The following TMEM170A variants were observed in gnomAD, a reference collection of about 807,000 sequenced individuals.
TMEM170A encodes the protein transmembrane protein 170A.
A neutral mutation model predicts 12.8 loss-of-function variants in TMEM170A; 18 were observed. The observed-to-expected ratio is 1.41, with a 90% CI of 0.97 to 2.09. The LOEUF (loss-of-function observed/expected upper bound fraction) is 2.09, where lower values mean the gene tolerates loss of function less well. Among genes scored for constraint, TMEM170A ranks in the 30% most tolerant of loss-of-function variants. The pLI, the probability that TMEM170A is intolerant of heterozygous loss-of-function variation, is 0.00. For missense variants in TMEM170A, 220 were observed against 179.9 expected, an observed-to-expected ratio of 1.22 and a Z score of -1.28; for synonymous variants, 107 against 76.2, an observed-to-expected ratio of 1.40 and a Z score of -2.11.
Position 75,445,106 on chromosome 16 carries a change from A to G in TMEM170A, c.*2452T>C, listed in dbSNP as rs1205581108. 1 of 152,210 alleles carries G rather than the reference A, an allele frequency of 6.6e-6. No homozygotes were observed. Among genetic ancestry groups the G allele is most frequent in the Non-Finnish European group, 1.5e-5 (1 of 68,036 alleles). 9.4% of individuals were successfully genotyped at this position (152,210 alleles called of 1,614,324 possible). ...TCATTTCCCATAAGAAAAGTTACCA[A>G]TTCCCCAGATTTCTTAAACTGAAGG... On this transcript the variant is annotated 3_prime_UTR_variant, in exon 3 of 3. Coordinates refer to ENST00000561878, the MANE Select transcript of TMEM170A (RefSeq NM_145254.3).
intron 2 of TMEM170A, among the ~76,000 whole-genome samples, chr16:75,448,269 G>A (rs1187475910): frequency 2.0e-5 from 3 of 152,206 alleles, no homozygotes; most frequent in Non-Finnish European, 2.9e-5. Context: ...CACAGGGCAT[G>A]AGAGGAGAGA....
chr16:75,451,014 CAT>C (rs1311025721), intron 2 of TMEM170A, among the ~76,000 whole-genome samples: 2 of 152,184 alleles, frequency 1.3e-5, no homozygotes, highest in Non-Finnish European at 2.9e-5. Flanking sequence ...ACCACACCCA[CAT>C]GAGTGGAAGT....
In TMEM170A at chr16:75,464,323, C is replaced by A. The variant is rs1229630805; in HGVS notation, c.133+145G>T. Reference sequence around the variant, plus strand: ...AAGTGATGGGGAAAGGGGCTCCGGGCGAGCAGCACGGCCCCCCTCCCGGAG... The same window carrying A: ...AAGTGATGGGGAAAGGGGCTCCGGGAGAGCAGCACGGCCCCCCTCCCGGAG... On this transcript the variant is annotated intron_variant, in intron 1 of 2. Transcript: ENST00000561878. 6 of 1,438,106 alleles carry A rather than the reference C, an allele frequency of 4.2e-6. No homozygotes were observed. In the East Asian group the frequency reaches 1.2e-4, roughly 29 times the overall value. The allele number at this position is 1,438,106 out of a possible 1,614,324, so 89.1% of individuals were successfully genotyped here. A position where few individuals can be genotyped will look rare whatever the true frequency, so the allele number is the denominator to read the frequency against.
intron 2 of TMEM170A, among the ~76,000 whole-genome samples, chr16:75,449,141 A>G (rs1444567271): frequency 6.6e-6 from 1 of 152,148 alleles, no homozygotes; most frequent in Admixed American, 6.6e-5. Context: ...CCCTCCCCAC[A>G]AAATGCTCCA....
chr16:75,454,461 CACACACAT>C (rs1214453543), intron 1 of TMEM170A, among the ~76,000 whole-genome samples: 2 of 151,246 alleles, frequency 1.3e-5, no homozygotes, highest in Non-Finnish European at 2.9e-5. Flanking sequence ...TCTAAAAATA[CACACACAT>C]ACACACACAC....
chr16:75,457,048 T>C (rs1049865373), intron 1 of TMEM170A, among the ~76,000 whole-genome samples: 2 of 152,244 alleles, frequency 1.3e-5, no homozygotes, highest in African/African-American at 4.8e-5. Context: ...ACAAATGGGA[T>C]GCAAACCTGC....
At position 75,444,023 on chromosome 16, in the gene TMEM170A, G is replaced by A. The variant is rs2079542753; in HGVS notation, c.*3535C>T. ...CAATCACTTGAACCCAGGAAACGGA[G>A]GCTGCAGTGAGCTGAGACCATGCCA... On this transcript the variant is annotated 3_prime_UTR_variant, in exon 3 of 3. Transcript: ENST00000561878. 6.6e-6 allele frequency: 1 copy of A among 151,942 alleles called. No homozygotes were observed. The highest frequency in any genetic ancestry group is 1.5e-5 in the Non-Finnish European group (1 of 68,022). The allele number at this position is 151,942 out of a possible 1,614,324, so 9.4% of individuals were successfully genotyped here.
intron 1 of TMEM170A, among the ~76,000 whole-genome samples, chr16:75,457,507 A>C (rs1394994932): frequency 6.6e-6 from 1 of 152,174 alleles, no homozygotes; most frequent in Admixed American, 6.5e-5. Context: ...GAGGGTCTTC[A>C]CCAGAACCCA....
At chr16:75,455,028 G>A (rs1156899252) in intron 1 of TMEM170A, among the ~76,000 whole-genome samples, 1 of 152,174 alleles carries the variant, frequency 6.6e-6, no homozygotes, top group Non-Finnish European at 1.5e-5. Flanking sequence ...AACACATTCT[G>A]TGCACCCACG....
intron 1 of TMEM170A, among the ~76,000 whole-genome samples, chr16:75,457,495 A>G (rs538794195): frequency 6.6e-6 from 1 of 152,306 alleles, no homozygotes; most frequent in East Asian, 1.9e-4. Context: ...GCAAGTCAGG[A>G]AGAGGGTCTT....
chr16:75,453,988 C>A (rs1053929627), intron 1 of TMEM170A, among the ~76,000 whole-genome samples: 3 of 152,236 alleles, frequency 2.0e-5, no homozygotes, highest in African/African-American at 7.2e-5. Context: ...CAGCTACCCA[C>A]AGGGAGGGAC....
chr16:75,453,348 T>G (rs1028641745), intron 1 of TMEM170A, among the ~76,000 whole-genome samples: 3 of 152,144 alleles, frequency 2.0e-5, no homozygotes, highest in African/African-American at 7.2e-5. Context: ...GTGGGAGGAT[T>G]GCTTGAGCCT....
intron 1 of TMEM170A, among the ~76,000 whole-genome samples, chr16:75,452,215 C>A (rs2079701912): frequency 1.3e-5 from 2 of 152,150 alleles, no homozygotes; most frequent in African/African-American, 4.8e-5. Flanking sequence ...TCATGATCCG[C>A]CCGCCTCGGC....
chr16:75,447,437 A>G lies in TMEM170A; in HGVS notation c.*121T>C. The G allele has an allele frequency of 8.8e-7, 1 of 1,138,436 alleles. No homozygotes were observed. Among genetic ancestry groups the G allele is most frequent in the Non-Finnish European group, 1.2e-6 (1 of 847,002 alleles). 70.5% of individuals were successfully genotyped at this position (1,138,436 alleles called of 1,614,324 possible). On this transcript the variant is annotated 3_prime_UTR_variant, in exon 3 of 3. Transcript: ENST00000561878. The stretch of plus-strand genomic sequence containing the variant: ...AAAAGGCTGAGATGTGTTGTCCTTC[A>G]TGTTCCTGTTCATCCAAGTTGCTTC...
intron 1 of TMEM170A, among the ~76,000 whole-genome samples, chr16:75,455,980 G>GT (rs201077388): frequency 4.6e-5 from 7 of 151,006 alleles, no homozygotes; most frequent in African/African-American, 7.3e-5. Flanking sequence ...TAGTGTGTGT[G>GT]TTTTTTCCCC....
chr16:75,458,972 C>T (rs2079850779), intron 1 of TMEM170A: 1 of 152,200 alleles, frequency 6.6e-6, no homozygotes, highest in Admixed American at 6.5e-5. Flanking sequence ...CGACTCACTG[C>T]AACCTCTGCC....
chr16:75,462,159 G>C (rs1376611364), intron 1 of TMEM170A, among the ~76,000 whole-genome samples: 1 of 152,178 alleles, frequency 6.6e-6, no homozygotes, highest in East Asian at 1.9e-4. Flanking sequence ...AGTTTTCATA[G>C]ACACCATCTT....
chr16:75,458,846 A>C (rs911107263), intron 1 of TMEM170A: 5 of 152,188 alleles, frequency 3.3e-5, no homozygotes, highest in Admixed American at 6.5e-5. Flanking sequence ...TCCCTACCCT[A>C]AAAGATATTT....
In TMEM170A at chr16:75,463,623, G is replaced by A. The variant is rs1474694237; in HGVS notation, c.133+845C>T. 2.6e-5 allele frequency among the ~76,000 whole-genome samples: 4 copies of A among 152,200 alleles called. No homozygotes were observed. In the East Asian group the frequency reaches 7.7e-4, roughly 29 times the overall value. On this transcript the variant is annotated intron_variant, in intron 1 of 2. Transcript: ENST00000561878. ...TATGAAGACCTCAGTCCCCTCTGCT[G>A]GGAGCCCCACCTCCCCTTCCAGGGC...
Sources: allele counts gnomAD v4.1 joint callset (sites outside exome capture counted in the v4.1 genomes callset), GRCh38; gene constraint gnomAD v4.1.1; transcripts MANE v1.5; gene names NCBI Gene and HGNC (gene_info 2026-07-23, HGNC 2026-07-21).